The following COQ10B variants were observed in gnomAD, a reference collection of about 807,000 sequenced individuals.
COQ10B encodes the protein coenzyme Q10B, also known as coenzyme Q-binding protein COQ10 homolog B, mitochondrial.
A neutral mutation model predicts 27.6 loss-of-function variants in COQ10B; 12 were observed. That is an observed-to-expected ratio of 0.43 (90% CI 0.28 to 0.70). COQ10B has a LOEUF of 0.70. COQ10B is among the 30% of genes least tolerant of loss of function. The probability of loss-of-function intolerance (pLI) is 0.17; values close to 1 mark genes in which losing one functional copy is unlikely to be tolerated. For synonymous variants in COQ10B, 115 were observed against 103.0 expected, an observed-to-expected ratio of 1.12 and a Z score of -0.71; for missense variants, 278 against 288.7, an observed-to-expected ratio of 0.96 and a Z score of 0.27.
intron 2 of COQ10B, 129 bp downstream of exon 2, chr2:197,460,210 CTTTT>C (rs781514263): frequency 2.2e-4 from 81 of 374,230 alleles, no homozygotes; most frequent in East Asian, 3.6e-4. Context: ...TGGCCTTTTT[CTTTT>C]TTTTTTTTTT....
chr2:197,474,644 C>G lies in COQ10B; in HGVS notation c.*720C>G, dbSNP rs2085930582. 3 of 152,446 alleles carry G rather than the reference C, an allele frequency of 2.0e-5. No individual in the cohort carries two copies. The Middle Eastern group carries it at 0.01, about 519-fold the overall frequency. The allele number at this position is 152,446 out of a possible 1,614,324, so 9.4% of individuals were successfully genotyped here. On this transcript the variant is annotated 3_prime_UTR_variant, in exon 5 of 5. Coordinates refer to ENST00000263960, the MANE Select transcript of COQ10B (RefSeq NM_025147.5). ...GAGGTTGCAGTTAGCCAAGATCGCC[C>G]TGCTGCACTCCAGCCTGGGCAACAG...
chr2:197,455,394 G>A (rs116706770), intron 1 of COQ10B, among the ~76,000 whole-genome samples: 1,760 of 152,190 alleles, frequency 0.012, 37 homozygotes, highest in African/African-American at 0.041. Flanking sequence ...GGGAGGCTGA[G>A]GCGGGAGGAT....
rs2085919476 is a variant in COQ10B at position 197,473,839 on chromosome 2, C to T, written c.632C>T (p.Ala211Val). The change falls in exon 5 of 5, where the codon GCC (alanine) becomes GTC (valine). Residue 211 changes from alanine (A) to valine (V), a missense_variant. Physicochemically the swap from Ala to Val is moderately conservative, Grantham distance 64. Transcript: ENST00000263960. ...FDEVVKQMVAAFERRACKLYG... is the reference protein window; with the variant it reads ...FDEVVKQMVAVFERRACKLYG... ...GAAGTTGTGAAGCAGATGGTAGCTG[C>T]CTTTGAAAGAAGAGCATGTAAGCTG... 6.2e-7 allele frequency: 1 copy of T among 1,604,794 alleles called. No individual in the cohort carries two copies. Among genetic ancestry groups the T allele is most frequent in the African/African-American group, 1.3e-5 (1 of 74,722 alleles).
rs573317358 is a variant in COQ10B at position 197,474,639 on chromosome 2, T to C, written c.*715T>C. ...AGGCGGAGGTTGCAGTTAGCCAAGATCGCCCTGCTGCACTCCAGCCTGGGC... is the reference window on the plus strand; with the variant it reads ...AGGCGGAGGTTGCAGTTAGCCAAGACCGCCCTGCTGCACTCCAGCCTGGGC... On this transcript the variant is annotated 3_prime_UTR_variant, in exon 5 of 5. Coordinates refer to ENST00000263960, the MANE Select transcript of COQ10B (RefSeq NM_025147.5). 1.3e-5 allele frequency: 2 copies of C among 152,428 alleles called. No homozygotes were observed. The highest frequency in any genetic ancestry group is 2.1e-4 in the South Asian group (1 of 4,828). 9.4% of individuals were successfully genotyped at this position (152,428 alleles called of 1,614,324 possible).
intron 2 of COQ10B, among the ~76,000 whole-genome samples, chr2:197,460,826 CAT>C (rs1437113280): frequency 6.6e-6 from 1 of 152,174 alleles, no homozygotes; most frequent in African/African-American, 2.4e-5. Flanking sequence ...CGAAGGCAGA[CAT>C]AGATAATATT....
intron 3 of COQ10B, among the ~76,000 whole-genome samples, chr2:197,463,244 C>T (rs964782623): frequency 3.9e-4 from 59 of 151,016 alleles, no homozygotes; most frequent in African/African-American, 1.3e-3. Flanking sequence ...GAGGCCAAGG[C>T]GAGCGGATTA....
Position 197,473,958 on chromosome 2 carries a change from C to A in COQ10B, c.*34C>A. The A allele has an allele frequency of 7.0e-7, 1 of 1,433,576 alleles. No homozygotes were observed. The highest frequency in any genetic ancestry group is 9.3e-7 in the Non-Finnish European group (1 of 1,079,968). The allele number at this position is 1,433,576 out of a possible 1,614,324, so 88.8% of individuals were successfully genotyped here. A position where few individuals can be genotyped will look rare whatever the true frequency, so the allele number is the denominator to read the frequency against. ...AAGAACTGGTGCCACCTGCTTCTGACTTTAGTTTGTTCACTTTTAGGAAGT... is the reference window on the plus strand; with the variant it reads ...AAGAACTGGTGCCACCTGCTTCTGAATTTAGTTTGTTCACTTTTAGGAAGT... On this transcript the variant is annotated 3_prime_UTR_variant, in exon 5 of 5. Transcript: ENST00000263960.
Position 197,470,108 on chromosome 2 carries a change from G to T in COQ10B, c.486G>T (p.Glu162Asp). The T allele has an allele frequency of 1.2e-6, 2 of 1,613,502 alleles. No individual in the cohort carries two copies. Among genetic ancestry groups the T allele is most frequent in the South Asian group, 1.1e-5 (1 of 91,006 alleles). Residue 162 changes from glutamate (E) to aspartate (D), a missense_variant, in exon 4 of 5, where the codon GAG becomes GAT. Glu to Asp is a conservative substitution (Grantham distance 45). Around this residue, in one of 3 missense-constraint regions of COQ10B, gnomAD observed 83 missense variants for 104.5 expected, o/e 0.79. Coordinates refer to ENST00000263960, the MANE Select transcript of COQ10B (RefSeq NM_025147.5). ...CTDGRLFNHLETIWRFSPGLP... is the reference protein window; with the variant it reads ...CTDGRLFNHLDTIWRFSPGLP... ...ATGGGAGACTTTTCAATCATTTGGA[G>T]ACTATTTGGCGTTTTAGCCCAGGTC...
chr2:197,456,073 A>C (rs1574577103), intron 1 of COQ10B, among the ~76,000 whole-genome samples: 2 of 152,342 alleles, frequency 1.3e-5, no homozygotes, highest in Admixed American at 6.5e-5. Context: ...TGTCATTTGC[A>C]GCAACGTGGA....
At chr2:197,456,490 C>CCAG (rs1176979973) in intron 1 of COQ10B, among the ~76,000 whole-genome samples, 2 of 147,914 alleles carry the variant, frequency 1.4e-5, no homozygotes, top group Non-Finnish European at 3.0e-5. Flanking sequence ...TCTTGCTGGG[C>CCAG]GCAGTGGCTC....
At chr2:197,460,982 C>T (rs921664772) in intron 2 of COQ10B, among the ~76,000 whole-genome samples, 5 of 152,232 alleles carry the variant, frequency 3.3e-5, no homozygotes, top group Admixed American at 1.3e-4. Context: ...CACCATCCCT[C>T]CATAGGGGAA....
intron 4 of COQ10B, among the ~76,000 whole-genome samples, chr2:197,473,441 T>TATATATATATAC (rs1417755879): frequency 2.0e-5 from 2 of 98,218 alleles, no homozygotes; most frequent in Non-Finnish European, 3.9e-5. Flanking sequence ...TATATATATA[T>TATATATATATAC]ACACATATAT....
At chr2:197,457,418 C>G (rs1362184884) in intron 1 of COQ10B, among the ~76,000 whole-genome samples, 2 of 152,172 alleles carry the variant, frequency 1.3e-5, no homozygotes, top group East Asian at 1.9e-4. Flanking sequence ...TTGTATGTAT[C>G]GAAACATAGA....
chr2:197,460,046 CA>C lies in COQ10B; in HGVS notation c.223del (p.Arg75GlyfsTer10). The C allele has an allele frequency of 6.2e-7, 1 of 1,609,402 alleles. No homozygotes were observed. Among genetic ancestry groups the C allele is most frequent in the Non-Finnish European group, 8.5e-7 (1 of 1,177,278 alleles). On this transcript the variant is annotated frameshift_variant, in exon 2 of 5. Coordinates refer to ENST00000263960, the MANE Select transcript of COQ10B (RefSeq NM_025147.5). LOFTEE classifies it high-confidence loss of function. Reference protein sequence around the residue: ...FFKITAPLINKRKEYSERRIL... With the variant: ...FFKITAPLINXRKEYSERRIL... Reference sequence around the variant, plus strand: ...TCAAAATCACTGCACCATTAATAAACAAAAGGAAAGAATATTCAGAGAGAAG... The same window carrying C: ...TCAAAATCACTGCACCATTAATAAACAAAGGAAAGAATATTCAGAGAGAAG...
At chr2:197,461,544 A>G (rs1014640005) in intron 2 of COQ10B, among the ~76,000 whole-genome samples, 1 of 147,306 alleles carries the variant, frequency 6.8e-6, no homozygotes, top group Non-Finnish European at 1.5e-5. Context: ...GCAACTAAAA[A>G]AATACTGATT....
At chr2:197,453,755 C>T in intron 1 of COQ10B, 91 bp downstream of exon 1, 1 of 1,203,324 alleles carries the variant, frequency 8.3e-7, no homozygotes, top group Non-Finnish European at 1.2e-6. Flanking sequence ...TGAGGCAGAG[C>T]CGGACTCGGT....
intron 2 of COQ10B, among the ~76,000 whole-genome samples, chr2:197,460,382 A>G (rs2085744216): frequency 6.6e-6 from 1 of 151,968 alleles, no homozygotes; most frequent in Non-Finnish European, 1.5e-5. Context: ...TAGTAGAAAC[A>G]GGGTTTCACT....
intron 3 of COQ10B, among the ~76,000 whole-genome samples, chr2:197,466,091 AAAAC>A (rs2085822130): frequency 2.0e-5 from 3 of 152,230 alleles, no homozygotes; most frequent in Admixed American, 1.3e-4. Flanking sequence ...ATTCCGTCTC[AAAAC>A]AAACAAACAC....
At chr2:197,458,707 G>A (rs1348451985) in intron 1 of COQ10B, among the ~76,000 whole-genome samples, 1 of 147,086 alleles carries the variant, frequency 6.8e-6, no homozygotes, top group Non-Finnish European at 1.5e-5. Context: ...TTGAGACGGA[G>A]TCTCATTCTG....
Sources: gnomAD v4.1 joint callset for allele counts (sites outside exome capture counted in the v4.1 genomes callset) on GRCh38, gnomAD v4.1.1 for gene constraint, gnomAD v4.1.1 regional missense constraint, MANE v1.5 for transcripts, NCBI Gene and HGNC (gene_info 2026-07-23, HGNC 2026-07-21) for gene names.